The following MRPL48 variants were observed in gnomAD, a reference collection of about 807,000 sequenced individuals.
MRPL48 encodes mitochondrial ribosomal protein L48.
A neutral mutation model predicts 32.9 loss-of-function variants in MRPL48; 16 were observed. The observed-to-expected ratio is 0.49, with a 90% CI of 0.33 to 0.74. MRPL48 has a LOEUF of 0.74. Ranked by LOEUF, MRPL48 falls within the 30% of genes least tolerant of loss-of-function variation. The pLI is 0.02. For synonymous variants in MRPL48, 94 were observed against 89.2 expected, an observed-to-expected ratio of 1.05 and a Z score of -0.31; for missense variants, 206 against 245.3, an observed-to-expected ratio of 0.84 and a Z score of 1.07.
chr11:73,837,954 C>T (rs1565102850), intron 4 of MRPL48, among the ~76,000 whole-genome samples: 5 of 152,244 alleles, frequency 3.3e-5, no homozygotes, highest in Admixed American at 2.0e-4. Flanking sequence ...CGGGTTCAAG[C>T]GATTCTCCTG....
At chr11:73,795,466 G>C (rs1947237884) in intron 1 of MRPL48, among the ~76,000 whole-genome samples, 1 of 151,548 alleles carries the variant, frequency 6.6e-6, no homozygotes, top group South Asian at 2.1e-4. Flanking sequence ...GTTTTCTTGT[G>C]ACTCTTTTTT....
intron 6 of MRPL48, among the ~76,000 whole-genome samples, chr11:73,861,296 G>T (rs1478857593): frequency 6.6e-6 from 1 of 152,120 alleles, no homozygotes; most frequent in Non-Finnish European, 1.5e-5. Context: ...GTGCCTTCAT[G>T]ATTCTCCTCC....
At chr11:73,858,718 C>G (rs1948530115) in intron 5 of MRPL48, among the ~76,000 whole-genome samples, 1 of 152,206 alleles carries the variant, frequency 6.6e-6, no homozygotes. Flanking sequence ...AAGATGAACA[C>G]AACACTACTA....
In MRPL48 at chr11:73,795,316, G is replaced by A. The variant is rs1259934181; in HGVS notation, c.21+7324G>A. Among the ~76,000 whole-genome samples, 8 of 152,040 alleles carry A rather than the reference G, an allele frequency of 5.3e-5. No individual in the cohort carries two copies. The East Asian group carries it at 9.7e-4, about 18-fold the overall frequency. ...GGCCTTAGGTGATCCACCTGCCTCC[G>A]CCTCCCAAAGTGCTGGGATTACAGG... On this transcript the variant is annotated intron_variant, in intron 1 of 7. Transcript: ENST00000310614.
intron 1 of MRPL48, among the ~76,000 whole-genome samples, chr11:73,798,697 A>G: frequency 6.6e-6 from 1 of 152,076 alleles, no homozygotes. Context: ...GTACGTGGGA[A>G]AGGTAATGGT....
intron 3 of MRPL48, among the ~76,000 whole-genome samples, chr11:73,817,182 A>G (rs980695212): frequency 3.9e-5 from 6 of 152,158 alleles, no homozygotes; most frequent in Admixed American, 2.6e-4. Flanking sequence ...TTAAATGGCT[A>G]TTGGAAAAGA....
intron 3 of MRPL48, 45 bp from the exon 4 acceptor site, chr11:73,825,663 T>C (rs943974211): frequency 8.7e-6 from 13 of 1,498,698 alleles, no homozygotes; most frequent in Non-Finnish European, 1.2e-5. Flanking sequence ...ACAACGATAA[T>C]AGCAACAACA....
chr11:73,844,156 T>C (rs34771588), intron 4 of MRPL48, among the ~76,000 whole-genome samples: 8,361 of 151,236 alleles, frequency 0.055, 255 homozygotes, highest in Middle Eastern at 0.11. Context: ...CTAGGCTAGG[T>C]GTGGTGCTCA....
chr11:73,804,399 C>T (rs1947414075), intron 1 of MRPL48, among the ~76,000 whole-genome samples: 1 of 152,036 alleles, frequency 6.6e-6, no homozygotes, highest in Admixed American at 6.6e-5. Flanking sequence ...GTCTCAGACT[C>T]CTGAGTAGCT....
At chr11:73,816,559 G>T (rs963875293) in intron 3 of MRPL48, among the ~76,000 whole-genome samples, 1 of 151,452 alleles carries the variant, frequency 6.6e-6, no homozygotes, top group Non-Finnish European at 1.5e-5. Flanking sequence ...TCCACCTCCC[G>T]GTTCAAGCGA....
chr11:73,812,616 G>T, intron 3 of MRPL48, among the ~76,000 whole-genome samples: 1 of 151,398 alleles, frequency 6.6e-6, no homozygotes, highest in East Asian at 1.9e-4. Flanking sequence ...TCCCAGAATG[G>T]TCCTTTGAGC....
At chr11:73,803,005 A>C (rs957717452) in intron 1 of MRPL48, among the ~76,000 whole-genome samples, 1 of 152,034 alleles carries the variant, frequency 6.6e-6, no homozygotes, top group Admixed American at 6.6e-5. Flanking sequence ...CTTATAATAG[A>C]CTTTTTAAAA....
intron 2 of MRPL48, among the ~76,000 whole-genome samples, chr11:73,806,856 T>A (rs919943045): frequency 6.6e-6 from 1 of 151,988 alleles, no homozygotes; most frequent in Non-Finnish European, 1.5e-5. Flanking sequence ...GTGTATAGAT[T>A]GCTCTCCATT....
At chr11:73,851,171 A>C in intron 5 of MRPL48, 1 of 436,132 alleles carries the variant, frequency 2.3e-6, no homozygotes, top group East Asian at 6.9e-5. Flanking sequence ...AACTGGGCAA[A>C]CTCCTCCCAG....
At chr11:73,802,857 G>T (rs1018287724) in intron 1 of MRPL48, among the ~76,000 whole-genome samples, 4 of 151,194 alleles carry the variant, frequency 2.6e-5, no homozygotes, top group Non-Finnish European at 5.9e-5. Flanking sequence ...GCACCACCAC[G>T]CCTGGCTAAT....
chr11:73,799,124 G>A (rs1404661729), intron 1 of MRPL48, among the ~76,000 whole-genome samples: 1 of 152,104 alleles, frequency 6.6e-6, no homozygotes, highest in Non-Finnish European at 1.5e-5. Flanking sequence ...GGATGCCTAA[G>A]ATGAGAGTAA....
chr11:73,820,368 G>T lies in MRPL48; in HGVS notation c.113-5340G>T, dbSNP rs531334398. On this transcript the variant is annotated intron_variant, in intron 3 of 7. Transcript: ENST00000310614. ...GCTTCCTGAGTAGCAGGGACTACAG[G>T]CATGTACCATCACACCCGGCTAATT... Among the ~76,000 whole-genome samples the T allele has an allele frequency of 2.6e-5, 4 of 152,200 alleles. No homozygotes were observed. In the South Asian group the frequency reaches 8.3e-4, roughly 32 times the overall value.
chr11:73,824,129 C>T (rs1267577578), intron 3 of MRPL48, among the ~76,000 whole-genome samples: 1 of 151,778 alleles, frequency 6.6e-6, no homozygotes, highest in Non-Finnish European at 1.5e-5. Context: ...GCTGGGATTA[C>T]AGCCATGAGC....
At chr11:73,837,925 C>T (rs1245683554) in intron 4 of MRPL48, among the ~76,000 whole-genome samples, 4 of 152,158 alleles carry the variant, frequency 2.6e-5, no homozygotes, top group South Asian at 4.1e-4. Context: ...GATCTTGGCT[C>T]ACTGCAACCT....
Sources: gnomAD v4.1 joint callset for allele counts (sites outside exome capture counted in the v4.1 genomes callset) on GRCh38, gnomAD v4.1.1 for gene constraint, MANE v1.5 for transcripts, NCBI Gene and HGNC (gene_info 2026-07-23, HGNC 2026-07-21) for gene names.